The following SNRNP200 variants were observed in gnomAD, a reference collection of about 807,000 sequenced individuals.
SNRNP200 encodes small nuclear ribonucleoprotein U5 subunit 200.
A neutral mutation model predicts 255.2 loss-of-function variants in SNRNP200; 66 were observed. That is an observed-to-expected ratio of 0.26 (90% CI 0.21 to 0.32). The LOEUF (loss-of-function observed/expected upper bound fraction) is 0.32, where lower values mean the gene tolerates loss of function less well. Among genes scored for constraint, SNRNP200 ranks in the 10% least tolerant of loss-of-function variants. SNRNP200 has a pLI of 1.00. For synonymous variants in SNRNP200, 939 were observed against 1,027.8 expected (o/e 0.91, Z 1.65); for missense variants, 1,585 against 2,749.8 (o/e 0.58, Z 9.47).
rs762090720 is a variant in SNRNP200, at chr2:96,293,065, A to G, written c.2067T>C (p.Tyr689=). 15 of 1,614,202 alleles carry G rather than the reference A, an allele frequency of 9.3e-6. No individual in the cohort carries two copies. Among genetic ancestry groups the G allele is most frequent in the Non-Finnish European group, 1.2e-5 (14 of 1,180,014 alleles). The change falls in exon 16 of 45, where the codon TAT becomes TAC. Residue 689 remains tyrosine, a synonymous_variant. Coordinates refer to ENST00000323853, the MANE Select transcript of SNRNP200 (RefSeq NM_014014.5). The part of the protein sequence containing the change: ...SFRPVPLEQT[Y]VGITEKKAIK... Reference sequence around the variant, plus strand: ...TAGCTTTTTTCTCTGTGATACCCACATATGTCTGTTCCAGAGGCACTGGAC... The same window carrying G: ...TAGCTTTTTTCTCTGTGATACCCACGTATGTCTGTTCCAGAGGCACTGGAC...
In SNRNP200 at chr2:96,303,800, G is replaced by T. The variant is rs529272555; in HGVS notation, c.210-470C>A. Among the ~76,000 whole-genome samples the T allele has an allele frequency of 1.3e-5, 2 of 150,672 alleles. 1 individual carries two copies. The highest frequency in any genetic ancestry group is 4.2e-4 in the South Asian group (2 of 4,762). On this transcript the variant is annotated intron_variant, in intron 2 of 44. Coordinates refer to ENST00000323853, the MANE Select transcript of SNRNP200 (RefSeq NM_014014.5). The stretch of plus-strand genomic sequence containing the variant: ...AGCTACTCAGGAGGCTGAGGCAGGA[G>T]AATCGCTTGAACCCGGGAGGTGGAG...
rs1180759900 is a variant in SNRNP200 at position 96,279,374 on chromosome 2, G to A, written c.5133+77C>T. On this transcript the variant is annotated intron_variant, in intron 36 of 44. Transcript: ENST00000323853. ...AAGTTAAGAGACTAAAGTTACTGAAGACATCTATCAAAAGAAAGATTAAAG... is the reference window on the plus strand; with the variant it reads ...AAGTTAAGAGACTAAAGTTACTGAAAACATCTATCAAAAGAAAGATTAAAG... The A allele has an allele frequency of 5.4e-6, 5 of 920,146 alleles. No individual in the cohort carries two copies. The African/African-American group carries it at 8.2e-5, about 15-fold the overall frequency. 57.0% of individuals were successfully genotyped at this position (920,146 alleles called of 1,614,324 possible).
Position 96,303,341 on chromosome 2 carries a change from T to A in SNRNP200, c.210-11A>T, listed in dbSNP as rs113877776. The A allele has an allele frequency of 1.2e-3, 1,944 of 1,614,046 alleles. 20 individuals carry two copies. The African/African-American group carries it at 0.024, about 20-fold the overall frequency. On this transcript the variant is annotated splice_polypyrimidine_tract_variant and intron_variant, in intron 2 of 44. Transcript: ENST00000323853. Reference sequence around the variant, plus strand: ...TCACGCTTTCTTCGCCTAATGGACATGCAATGTGATATTGAATGGCAGAAC... The same window carrying A: ...TCACGCTTTCTTCGCCTAATGGACAAGCAATGTGATATTGAATGGCAGAAC...
Position 96,297,862 on chromosome 2 carries a change from G to A in SNRNP200, c.1120-142C>T, listed in dbSNP as rs2276646. ...AAACAGAAAGACAGTGCTTTACATG[G>A]GGACCACCAGAATGATCAAAGCAAA... On this transcript the variant is annotated intron_variant, in intron 9 of 44. Coordinates refer to ENST00000323853, the MANE Select transcript of SNRNP200 (RefSeq NM_014014.5). 189 of 864,942 alleles carry A rather than the reference G, an allele frequency of 2.2e-4. No homozygotes were observed. In the East Asian group the frequency reaches 4.9e-3, roughly 23 times the overall value. 53.6% of individuals were successfully genotyped at this position (864,942 alleles called of 1,614,324 possible). A position where few individuals can be genotyped will look rare whatever the true frequency, so the allele number is the denominator to read the frequency against.
rs1684703291 is a variant in SNRNP200 at position 96,278,310 on chromosome 2, A to G, written c.5537T>C (p.Ile1846Thr). 4 of 1,614,184 alleles carry G rather than the reference A, an allele frequency of 2.5e-6. No individual in the cohort carries two copies. Among genetic ancestry groups the G allele is most frequent in the Non-Finnish European group, 3.4e-6 (4 of 1,180,030 alleles). Residue 1846 changes from isoleucine (I) to threonine (T), a missense_variant, in exon 39 of 45, where the codon ATC becomes ACC. By Grantham distance (89) the Ile-to-Thr change is moderately conservative. Around this residue, in one of 9 missense-constraint regions of SNRNP200, gnomAD observed 279 missense variants for 551.2 expected, o/e 0.51. Transcript: ENST00000323853. The surrounding 1 kb of genome is among the most constrained non-coding windows in gnomAD (Gnocchi z 6.9). ...LNAKTKVRGL[I>T]EIISNAAEYE... ...CTCTGCTGCATTGGAGATGATCTCGATAAGCCCTCGCACCTTGGTCTTGGC... is the reference window on the plus strand; with the variant it reads ...CTCTGCTGCATTGGAGATGATCTCGGTAAGCCCTCGCACCTTGGTCTTGGC...
chr2:96,278,472 C>A lies in SNRNP200; in HGVS notation c.5488+75G>T. ...CATCCCGCTGACAAACACGGGCGCA[C>A]CTCTCATCCCAGTGGGCTCCTGACC... On this transcript the variant is annotated intron_variant, in intron 38 of 44. Transcript: ENST00000323853. This position sits in a 1 kb window ranked among gnomAD's most constrained non-coding sequence, Gnocchi z 6.9. The A allele has an allele frequency of 1.2e-6, 2 of 1,610,904 alleles. No individual in the cohort carries two copies. Among genetic ancestry groups the A allele is most frequent in the South Asian group, 2.2e-5 (2 of 90,912 alleles).
chr2:96,296,853 G>T (rs2063920092), intron 12 of SNRNP200, 80 bp downstream of exon 12: 3 of 1,584,568 alleles, frequency 1.9e-6, no homozygotes, highest in South Asian at 2.2e-5. Context: ...TAGGGGGTGG[G>T]GGTGGAAATA....
chr2:96,305,529 A>G lies in SNRNP200; in HGVS notation c.-92T>C. The G allele has an allele frequency of 1.9e-6, 3 of 1,570,682 alleles. No individual in the cohort carries two copies. The highest frequency in any genetic ancestry group is 2.6e-6 in the Non-Finnish European group (3 of 1,146,142). On this transcript the variant is annotated 5_prime_UTR_variant, in exon 1 of 45. Transcript: ENST00000323853. Reference sequence around the variant, plus strand: ...TCTCTGCTCCCGCCGCGCCGGAACGACGCAGGAAAGACGCACTGGGGAAGG... The same window carrying G: ...TCTCTGCTCCCGCCGCGCCGGAACGGCGCAGGAAAGACGCACTGGGGAAGG...
At chr2:96,288,532 C>T (rs1299929584) in intron 24 of SNRNP200, 131 bp downstream of exon 24, 27 of 792,956 alleles carry the variant, frequency 3.4e-5, no homozygotes, top group Middle Eastern at 6.9e-4. Context: ...ACCAACTACC[C>T]GGCAAGAGCA....
At chr2:96,276,620 C>A (rs1000467310) in intron 43 of SNRNP200, 3 of 415,946 alleles carry the variant, frequency 7.2e-6, no homozygotes, top group South Asian at 6.1e-5. Flanking sequence ...CGGGGTTTCA[C>A]TATGTTGGCC....
At chr2:96,298,793 A>C (rs2063935467) in intron 7 of SNRNP200, 22 bp downstream of exon 7, 4 of 1,613,930 alleles carry the variant, frequency 2.5e-6, no homozygotes, top group Admixed American at 1.7e-5. Context: ...TAAATATACA[A>C]CTATTGTCAT....
Position 96,283,290 on chromosome 2 carries a change from A to G in SNRNP200, c.4826T>C (p.Leu1609Pro). 1 of 1,613,596 alleles carries G rather than the reference A, an allele frequency of 6.2e-7. No homozygotes were observed. Among genetic ancestry groups the G allele is most frequent in the Non-Finnish European group, 8.5e-7 (1 of 1,179,974 alleles). ...PYLEKLSDST[L>P]KETLLNGVGY... ...CACCCCATTTAGCAGCGTTTCCTTG[A>G]GCGTGCTGTCACTTAGCTTCTCCAG... is the stretch of plus-strand genomic sequence containing the variant. Residue 1609 changes from leucine to proline, a missense_variant, in exon 34 of 45, where the codon CTC (leucine) becomes CCC (proline). Physicochemically the swap from Leu to Pro is moderately conservative, Grantham distance 98. Around this residue, in one of 9 missense-constraint regions of SNRNP200, gnomAD observed 719 missense variants for 1,091.1 expected, o/e 0.66. Coordinates refer to ENST00000323853, the MANE Select transcript of SNRNP200 (RefSeq NM_014014.5). The surrounding 1 kb of genome is among the most constrained non-coding windows in gnomAD (Gnocchi z 4.7).
chr2:96,295,440 C>T (rs763582676), intron 14 of SNRNP200, 48 bp downstream of exon 14: 23 of 1,608,720 alleles, frequency 1.4e-5, no homozygotes, highest in Admixed American at 1.0e-4. Flanking sequence ...CCAGCAAACC[C>T]GCCCTGACAC....
chr2:96,296,115 A>G (rs1197831161), intron 13 of SNRNP200, among the ~76,000 whole-genome samples: 4 of 152,200 alleles, frequency 2.6e-5, no homozygotes, highest in African/African-American at 9.7e-5. Flanking sequence ...CTTGGGCGAC[A>G]GCGAGACCCT....
intron 31 of SNRNP200, 92 bp from the exon 32 acceptor site, chr2:96,284,096 A>T (rs2063825913): frequency 8.0e-7 from 1 of 1,244,438 alleles, no homozygotes; most frequent in Non-Finnish European, 1.1e-6. Flanking sequence ...ACAGCCTCAA[A>T]ATGACCTCAT....
intron 35 of SNRNP200, chr2:96,281,251 C>T (rs1308856474): frequency 1.3e-5 from 2 of 159,860 alleles, no homozygotes; most frequent in African/African-American, 4.9e-5. Context: ...ACTGTAGCCT[C>T]TGCCTCCCAG....
At chr2:96,296,354 A>G (rs1212691617) in intron 13 of SNRNP200, among the ~76,000 whole-genome samples, 182 bp downstream of exon 13, 1 of 152,222 alleles carries the variant, frequency 6.6e-6, no homozygotes, top group Non-Finnish European at 1.5e-5. Flanking sequence ...TTCTTACTTC[A>G]GAAACTCTGT....
chr2:96,282,444 G>T (rs769735947), intron 34 of SNRNP200: 5 of 183,412 alleles, frequency 2.7e-5, no homozygotes, highest in Non-Finnish European at 4.8e-5. Context: ...TGAGCTCAAG[G>T]GAGAATCAGA....
intron 43 of SNRNP200, among the ~76,000 whole-genome samples, chr2:96,275,731 G>C (rs113657010): frequency 6.6e-6 from 1 of 152,182 alleles, no homozygotes; most frequent in Non-Finnish European, 1.5e-5. Context: ...GGCTGGGCGC[G>C]GTGGCTCACG....
Sources: gnomAD v4.1 joint callset for allele counts (sites outside exome capture counted in the v4.1 genomes callset) on GRCh38, gnomAD v4.1.1 for gene constraint, gnomAD v4.1.1 regional missense constraint, Gnocchi (gnomAD v3.1) non-coding constraint, MANE v1.5 for transcripts, NCBI Gene and HGNC (gene_info 2026-07-23, HGNC 2026-07-21) for gene names.